Variants in ANKRD44 observed in about 807,000 individuals in gnomAD.
The protein encoded by ANKRD44 is ankyrin repeat domain 44.
A neutral mutation model predicts 116.0 loss-of-function variants in ANKRD44; 35 were observed. The ratio of observed to expected loss-of-function variants is 0.30; its 90% confidence interval spans 0.23 to 0.40. The LOEUF is 0.40. Ranked by LOEUF, ANKRD44 falls within the 10% of genes least tolerant of loss-of-function variation. The pLI is 1.00. For missense variants in ANKRD44, 1,014 were observed against 1,242.6 expected, an observed-to-expected ratio of 0.82 and a Z score of 2.77; for synonymous variants, 435 against 461.8, an observed-to-expected ratio of 0.94 and a Z score of 0.74.
At chr2:197,034,050 T>TAGAGAGAGAGAGAG (rs60018972) in intron 16 of ANKRD44, among the ~76,000 whole-genome samples, 14,194 of 110,302 alleles carry the variant, frequency 0.13, 1,771 homozygotes, top group East Asian at 0.22. Flanking sequence ...ATATGAGGGC[T>TAGAGAGAGAGAGAG]AGAGAGAGAG....
At chr2:197,254,834 A>C (rs2082409096) in intron 1 of ANKRD44, among the ~76,000 whole-genome samples, 1 of 152,196 alleles carries the variant, frequency 6.6e-6, no homozygotes, top group Admixed American at 6.5e-5. Context: ...TTGATACTCT[A>C]GGCGTATGTA....
Position 197,212,667 on chromosome 2 carries a change from A to G in ANKRD44, c.28-25561T>C, listed in dbSNP as rs895211841. Reference sequence around the variant, plus strand: ...CAAAAAGGTTATTGCAGGCTCTCACAGAAGAACTTCTACATGAGTAAAAAT... The same window carrying G: ...CAAAAAGGTTATTGCAGGCTCTCACGGAAGAACTTCTACATGAGTAAAAAT... On this transcript the variant is annotated intron_variant, in intron 1 of 27. Transcript: ENST00000282272. This position sits in a 1 kb window ranked among gnomAD's most constrained non-coding sequence, Gnocchi z 4.8. Among the ~76,000 whole-genome samples, 1 of 152,236 alleles carries G rather than the reference A, an allele frequency of 6.6e-6. No individual in the cohort carries two copies. The highest frequency in any genetic ancestry group is 2.4e-5 in the African/African-American group (1 of 41,460).
intron 1 of ANKRD44, 97 bp downstream of exon 1, chr2:197,310,481 G>A (rs1012319045): frequency 9.0e-5 from 78 of 868,962 alleles, no homozygotes; most frequent in Non-Finnish European, 1.1e-4. Context: ...CGAGTAAACA[G>A]CTCGCGGGCG....
intron 1 of ANKRD44, among the ~76,000 whole-genome samples, chr2:197,226,006 C>A (rs2697241): frequency 0.99 from 150,410 of 152,298 alleles, 74,303 homozygotes; most frequent in East Asian, 1. Flanking sequence ...TCACTAAAAA[C>A]AGGCTTTTAT....
Position 197,030,525 on chromosome 2 carries a change from G to A in ANKRD44, c.1651-5258C>T, listed in dbSNP as rs541685499. 5.3e-5 allele frequency among the ~76,000 whole-genome samples: 8 copies of A among 152,206 alleles called. No individual in the cohort carries two copies. The South Asian group carries it at 8.3e-4, about 16-fold the overall frequency. On this transcript the variant is annotated intron_variant, in intron 16 of 27. Transcript: ENST00000282272. ...TAGTGGGGGTGACAAGACTGTCCCC[G>A]AACATCAGCTAGGGTGATGCGTCTA...
chr2:197,205,209 C>T (rs2081179241), intron 1 of ANKRD44, among the ~76,000 whole-genome samples: 1 of 152,150 alleles, frequency 6.6e-6, no homozygotes. Context: ...GGGTATATAC[C>T]CAGTAATAGT....
At chr2:197,237,872 G>A (rs998789428) in intron 1 of ANKRD44, among the ~76,000 whole-genome samples, 4 of 152,204 alleles carry the variant, frequency 2.6e-5, no homozygotes, top group Non-Finnish European at 5.9e-5. Context: ...CAGTGCACCA[G>A]TGCAACTTCC....
At chr2:197,260,532 G>T (rs909523815) in intron 1 of ANKRD44, among the ~76,000 whole-genome samples, 4 of 152,022 alleles carry the variant, frequency 2.6e-5, no homozygotes, top group Admixed American at 1.3e-4. Flanking sequence ...GAATAGTGCC[G>T]CTATAAACAT....
intron 21 of ANKRD44, among the ~76,000 whole-genome samples, chr2:196,979,554 C>CCTTTTTTTTTTTTTTTTT (rs2075785197): frequency 1.5e-4 from 9 of 59,644 alleles, no homozygotes; most frequent in African/African-American, 5.1e-4. Flanking sequence ...AATAAGATGA[C>CCTTTTTTTTTTTTTTTTT]TTTTTTTTTT....
intron 1 of ANKRD44, among the ~76,000 whole-genome samples, chr2:197,236,713 C>CAAAAAAAAAAAAAAAAA (rs71012964): frequency 9.5e-6 from 1 of 105,248 alleles, no homozygotes; most frequent in African/African-American, 3.2e-5. Context: ...ACAAACTACT[C>CAAAAAAAAAAAAAAAAA]AAAAAAAAAA....
At chr2:197,188,521 G>C (rs992619738) in intron 1 of ANKRD44, among the ~76,000 whole-genome samples, 7 of 152,196 alleles carry the variant, frequency 4.6e-5, no homozygotes, top group African/African-American at 1.7e-4. Flanking sequence ...TCTCACACTT[G>C]CTAGCCACAT....
In ANKRD44 at chr2:197,081,712, C is replaced by G; in HGVS notation, c.1471G>C (p.Gly491Arg). The change falls in exon 15 of 28, where the codon GGA (glycine) becomes CGA (arginine). Residue 491 changes from glycine to arginine, a missense_variant. Coordinates refer to ENST00000282272, the MANE Select transcript of ANKRD44 (RefSeq NM_001195144.2). Reference protein sequence around the residue: ...SDMDRNKTILGNAHDNSEELE... With the variant: ...SDMDRNKTILRNAHDNSEELE... ...TCTTCTGAATTATCATGGGCATTTC[C>G]TAAGATAGTCTTACTTCTCAGCATA... 1 of 1,613,392 alleles carries G rather than the reference C, an allele frequency of 6.2e-7. No homozygotes were observed. The highest frequency in any genetic ancestry group is 8.5e-7 in the Non-Finnish European group (1 of 1,179,620).
chr2:197,239,735 T>C (rs938436590), intron 1 of ANKRD44, among the ~76,000 whole-genome samples: 1 of 152,310 alleles, frequency 6.6e-6, no homozygotes, highest in East Asian at 1.9e-4. Flanking sequence ...AAGGCAGACT[T>C]AACATTTCAC....
At chr2:197,020,851 AGG>A (rs1479779336) in intron 17 of ANKRD44, among the ~76,000 whole-genome samples, 5,360 of 150,944 alleles carry the variant, frequency 0.036, 343 homozygotes, top group African/African-American at 0.12. Context: ...CACAATGTGC[AGG>A]TTTGTTACAT....
Position 197,121,560 on chromosome 2 carries a change from A to T in ANKRD44, c.694-16T>A. 1 of 1,609,262 alleles carries T rather than the reference A, an allele frequency of 6.2e-7. No individual in the cohort carries two copies. The highest frequency in any genetic ancestry group is 8.5e-7 in the Non-Finnish European group (1 of 1,176,302). On this transcript the variant is annotated splice_polypyrimidine_tract_variant and intron_variant, in intron 7 of 27. Coordinates refer to ENST00000282272, the MANE Select transcript of ANKRD44 (RefSeq NM_001195144.2). Reference sequence around the variant, plus strand: ...TTTCATCAATCTGCAAAAGAGTCCAACACAGGGTGATTAAAGTCATTAGAG... The same window carrying T: ...TTTCATCAATCTGCAAAAGAGTCCATCACAGGGTGATTAAAGTCATTAGAG...
intron 21 of ANKRD44, among the ~76,000 whole-genome samples, chr2:196,975,857 GAAAGA>G (rs2075757036): frequency 6.8e-6 from 1 of 147,040 alleles, no homozygotes; most frequent in Non-Finnish European, 1.5e-5. Context: ...AAGAAGGAAA[GAAAGA>G]AAAGAGAAAG....
chr2:197,142,552 C>G (rs1196359842), intron 3 of ANKRD44, among the ~76,000 whole-genome samples: 1 of 152,110 alleles, frequency 6.6e-6, no homozygotes, highest in African/African-American at 2.4e-5. Flanking sequence ...AAACATTTAA[C>G]AAACTCTCCT....
intron 1 of ANKRD44, among the ~76,000 whole-genome samples, chr2:197,253,520 CATT>C (rs1180826333): frequency 1.3e-5 from 2 of 152,054 alleles, no homozygotes; most frequent in African/African-American, 2.4e-5. Context: ...TTGATTTCTG[CATT>C]ATTCTACTAA....
intron 2 of ANKRD44, among the ~76,000 whole-genome samples, chr2:197,154,231 G>C (rs2079743880): frequency 1.4e-5 from 2 of 142,450 alleles, no homozygotes; most frequent in African/African-American, 5.3e-5. Flanking sequence ...CCAGGCTGGA[G>C]TGCAGTGGCG....
Sources: allele counts gnomAD v4.1 joint callset (sites outside exome capture counted in the v4.1 genomes callset), GRCh38; gene constraint gnomAD v4.1.1; non-coding constraint Gnocchi (gnomAD v3.1); transcripts MANE v1.5; gene names NCBI Gene and HGNC (gene_info 2026-07-23, HGNC 2026-07-21).